Variants in NOTCH3 observed in about 807,000 individuals in gnomAD.
The protein encoded by NOTCH3 is neurogenic locus notch homolog protein 3.
In NOTCH3, 86 loss-of-function variants were observed where a neutral mutation model predicts 213.3. The observed-to-expected ratio is 0.40, with a 90% CI of 0.34 to 0.48. NOTCH3 has a LOEUF of 0.48. Ranked by LOEUF, NOTCH3 falls within the 20% of genes least tolerant of loss-of-function variation. The probability of loss-of-function intolerance (pLI) is 0.57; values close to 1 mark genes in which losing one functional copy is unlikely to be tolerated. For synonymous variants in NOTCH3, 1,354 were observed against 1,355.9 expected (o/e 1.00, Z 0.03); for missense variants, 2,783 against 3,272.6 (o/e 0.85, Z 3.65).
chr19:15,197,628 C>T (rs1377672944), intron 1 of NOTCH3, 50 bp from the exon 2 acceptor site: 3 of 1,567,656 alleles, frequency 1.9e-6, no homozygotes, highest in Non-Finnish European at 2.6e-6. Flanking sequence ...CCCAGGAACC[C>T]CAGGCCCAAG....
Position 15,180,085 on chromosome 19 carries a change from C to G in NOTCH3, c.3314G>C (p.Gly1105Ala), listed in dbSNP as rs143764521. Residue 1105 changes from glycine to alanine, a missense_variant, in exon 20 of 33, where the codon GGC (glycine) becomes GCC (alanine). Around this residue, in one of 6 missense-constraint regions of NOTCH3, gnomAD observed 861 missense variants for 909.1 expected, o/e 0.95. Transcript: ENST00000263388. ...HGGTCRGYMG[G>A]YMCECLPGYN... Reference sequence around the variant, plus strand: ...GCGCCCCCTTACCTCACACATGTAGCCCCCCATATAGCCACGGCAGGTCCC... The same window carrying G: ...GCGCCCCCTTACCTCACACATGTAGGCCCCCATATAGCCACGGCAGGTCCC... The G allele has an allele frequency of 2.7e-4, 434 of 1,609,852 alleles. 2 individuals carry two copies. In the African/African-American group the frequency reaches 5.2e-3, roughly 19 times the overall value.
chr19:15,194,784 C>T (rs181556127), intron 2 of NOTCH3, among the ~76,000 whole-genome samples: 3 of 151,978 alleles, frequency 2.0e-5, no homozygotes, highest in East Asian at 3.9e-4. Context: ...GAAGAAACTC[C>T]GTCTCTACTA....
At chr19:15,188,204 CTT>C (rs1568360066) in intron 9 of NOTCH3, 29 bp downstream of exon 9, 1 of 1,519,712 alleles carries the variant, frequency 6.6e-7, no homozygotes, top group Non-Finnish European at 9.0e-7. Context: ...CCAGACATGT[CTT>C]TTCGGGCTCC....
At position 15,181,234 on chromosome 19, in the gene NOTCH3, C is replaced by G. The variant is rs1270611349; in HGVS notation, c.2793-72G>C. 5 of 1,354,760 alleles carry G rather than the reference C, an allele frequency of 3.7e-6. No individual in the cohort carries two copies. The Admixed American group carries it at 5.8e-5, about 16-fold the overall frequency. 83.9% of individuals were successfully genotyped at this position (1,354,760 alleles called of 1,614,324 possible). On this transcript the variant is annotated intron_variant, in intron 17 of 32. Transcript: ENST00000263388. ...AGGCCCTGCCCTCCTTCCTGAGTCC[C>G]GCTGTTAGCGCTGGGGACGTCCCAC...
At chr19:15,180,569 C>G (rs1439490397) in intron 19 of NOTCH3, 112 bp downstream of exon 19, 2 of 1,279,910 alleles carry the variant, frequency 1.6e-6, no homozygotes, top group East Asian at 2.5e-5. Context: ...GCCACACACC[C>G]CATCATGCCC....
rs2145436289 is a variant in NOTCH3 at position 15,189,095 on chromosome 19, A to T, written c.1272T>A (p.Thr424=). The change falls in exon 8 of 33, where the codon ACT becomes ACA. Residue 424 remains threonine, a synonymous_variant. Coordinates refer to ENST00000263388, the MANE Select transcript of NOTCH3 (RefSeq NM_000435.3). Reference sequence around the variant, plus strand: ...TGACATCGGTCTCACAGCGAGGTCCAGTGTAGCCACGACCGCACTGGCACA... The same window carrying T: ...TGACATCGGTCTCACAGCGAGGTCCTGTGTAGCCACGACCGCACTGGCACA... ...SFLCQCGRGY[T]GPRCETDVNE... is the part of the protein sequence containing the mutation. 1 of 1,613,222 alleles carries T rather than the reference A, an allele frequency of 6.2e-7. No individual in the cohort carries two copies. Among genetic ancestry groups the T allele is most frequent in the East Asian group, 2.2e-5 (1 of 44,874 alleles).
intron 22 of NOTCH3, 39 bp from the exon 23 acceptor site, chr19:15,178,980 G>A (rs2046815687): frequency 6.2e-7 from 1 of 1,614,010 alleles, no homozygotes; most frequent in Non-Finnish European, 8.5e-7. Context: ...CACAATGGGG[G>A]AATGACAGGC....
At chr19:15,191,279 C>A (rs1393154727) in intron 6 of NOTCH3, 145 bp downstream of exon 6, 6 of 777,428 alleles carry the variant, frequency 7.7e-6, no homozygotes, top group Non-Finnish European at 1.3e-5. Flanking sequence ...GTGATCCGCC[C>A]GCCTGGGCCT....
intron 23 of NOTCH3, 122 bp from the exon 24 acceptor site, chr19:15,178,212 T>C (rs909779390): frequency 2.9e-5 from 16 of 551,984 alleles, no homozygotes; most frequent in Non-Finnish European, 3.2e-5. Flanking sequence ...AGAGAAGAGG[T>C]CAAGACTAAG....
Position 15,188,421 on chromosome 19 carries a change from C to G in NOTCH3, c.1379-73G>C, listed in dbSNP as rs542002164. 3 of 925,726 alleles carry G rather than the reference C, an allele frequency of 3.2e-6. No homozygotes were observed. In the East Asian group the frequency reaches 7.8e-5, roughly 24 times the overall value. 57.3% of individuals were successfully genotyped at this position (925,726 alleles called of 1,614,324 possible). ...TGAACGGGGTGCAAGGAAGGAGGTA[C>G]TTCCCTTCCTACTCATCGACAAATC... is the stretch of plus-strand genomic sequence containing the variant. On this transcript the variant is annotated intron_variant, in intron 8 of 32. Transcript: ENST00000263388.
rs1246320714 is a variant in NOTCH3 at position 15,185,453 on chromosome 19, G to C, written c.2144+34C>G. ...AGGCCAGGGAGGTGGGCCAGGGAGA[G>C]GGGGCAGTGTCTGAGGCTGAGAAGG... On this transcript the variant is annotated intron_variant, in intron 13 of 32. Transcript: ENST00000263388. This position sits in a 1 kb window ranked among gnomAD's most constrained non-coding sequence, Gnocchi z 4.2. 5 of 1,612,060 alleles carry C rather than the reference G, an allele frequency of 3.1e-6. No individual in the cohort carries two copies. The highest frequency in any genetic ancestry group is 2.5e-6 in the Non-Finnish European group (3 of 1,179,014).
chr19:15,180,333 A>C, intron 19 of NOTCH3, 77 bp from the exon 20 acceptor site: 2 of 1,493,226 alleles, frequency 1.3e-6, no homozygotes, highest in Non-Finnish European at 9.2e-7. Flanking sequence ...CAGATCATTC[A>C]ACATCCTTGG....
Position 15,180,945 on chromosome 19 carries a change from C to A in NOTCH3, c.2994+16G>T. On this transcript the variant is annotated intron_variant, in intron 18 of 32. Coordinates refer to ENST00000263388, the MANE Select transcript of NOTCH3 (RefSeq NM_000435.3). Reference sequence around the variant, plus strand: ...CAGGCAGGCTCCTCCCCCAGGTCCCCAGTAACTCCACCCACCTGGCACTGC... The same window carrying A: ...CAGGCAGGCTCCTCCCCCAGGTCCCAAGTAACTCCACCCACCTGGCACTGC... 6.3e-7 allele frequency: 1 copy of A among 1,586,380 alleles called. No individual in the cohort carries two copies. Among genetic ancestry groups the A allele is most frequent in the Non-Finnish European group, 8.6e-7 (1 of 1,167,410 alleles).
chr19:15,188,047 C>T, intron 9 of NOTCH3, 53 bp from the exon 10 acceptor site: 2 of 1,380,468 alleles, frequency 1.4e-6, no homozygotes, highest in South Asian at 2.5e-5. Flanking sequence ...GAGCAGTACA[C>T]CCCTCTCCAG....
At chr19:15,197,396 A>C in intron 2 of NOTCH3, 104 bp downstream of exon 2, 4 of 1,031,036 alleles carry the variant, frequency 3.9e-6, no homozygotes, top group South Asian at 1.4e-5. Context: ...AGGAAGTGGT[A>C]GAGACATCCA....
chr19:15,197,943 G>A (rs2046983021), intron 1 of NOTCH3, among the ~76,000 whole-genome samples: 1 of 152,138 alleles, frequency 6.6e-6, no homozygotes, highest in Non-Finnish European at 1.5e-5. Flanking sequence ...GGGAGGTCTG[G>A]GGCTTCATGC....
Position 15,174,371 on chromosome 19 carries a change from T to C in NOTCH3, c.4433A>G (p.His1478Arg). 1.9e-6 allele frequency: 3 copies of C among 1,543,616 alleles called. No homozygotes were observed. Among genetic ancestry groups the C allele is most frequent in the Non-Finnish European group, 2.6e-6 (3 of 1,142,306 alleles). Reference sequence around the variant, plus strand: ...CTGGTCGCAGCGGCCGTCGGCAAAGTGGTCGGCGCAGTACTTCTCGTACAC... The same window carrying C: ...CTGGTCGCAGCGGCCGTCGGCAAAGCGGTCGGCGCAGTACTTCTCGTACAC... Reference protein sequence around the residue: ...NPVYEKYCADHFADGRCDQGC... With the variant: ...NPVYEKYCADRFADGRCDQGC... The change falls in exon 25 of 33, where the codon CAC becomes CGC. Residue 1478 changes from histidine (H) to arginine (R), a missense_variant. His to Arg is a conservative substitution (Grantham distance 29, BLOSUM62 0). Around this residue, in one of 6 missense-constraint regions of NOTCH3, gnomAD observed 636 missense variants for 801.8 expected, o/e 0.79. Transcript: ENST00000263388.
intron 16 of NOTCH3, among the ~76,000 whole-genome samples, chr19:15,182,923 T>C (rs2145425723): frequency 6.6e-6 from 1 of 152,252 alleles, no homozygotes; most frequent in Admixed American, 6.5e-5. Flanking sequence ...ATTACCGGTG[T>C]GAGCCACTGC....
chr19:15,168,571 C>T (rs573084270), intron 28 of NOTCH3, among the ~76,000 whole-genome samples: 4 of 152,204 alleles, frequency 2.6e-5, no homozygotes, highest in East Asian at 1.9e-4. Flanking sequence ...CGGTGGCTCA[C>T]GTCTGTAATC....
Sources: gnomAD v4.1 joint callset for allele counts (sites outside exome capture counted in the v4.1 genomes callset) on GRCh38, gnomAD v4.1.1 for gene constraint, gnomAD v4.1.1 regional missense constraint, Gnocchi (gnomAD v3.1) non-coding constraint, MANE v1.5 for transcripts, NCBI Gene and HGNC (gene_info 2026-07-23, HGNC 2026-07-21) for gene names.